The following CRY1 variants were observed in gnomAD, a reference collection of about 807,000 sequenced individuals.
CRY1 encodes cryptochrome circadian regulator 1, also known as cryptochrome-1.
A neutral mutation model predicts 76.0 loss-of-function variants in CRY1; 45 were observed. The observed-to-expected ratio is 0.59, with a 90% CI of 0.47 to 0.76. CRY1 has a LOEUF of 0.76. CRY1 is among the 30% of genes least tolerant of loss of function. The pLI is 0.00. For synonymous variants in CRY1, 248 were observed against 244.0 expected (o/e 1.02, Z -0.15); for missense variants, 587 against 716.4 (o/e 0.82, Z 2.06).
At chr12:107,048,360 G>C (rs865857819) in intron 1 of CRY1, among the ~76,000 whole-genome samples, 2 of 152,140 alleles carry the variant, frequency 1.3e-5, no homozygotes, top group Admixed American at 6.6e-5. Context: ...GATTACAGGC[G>C]TGCGCTACTG....
At position 107,067,419 on chromosome 12, in the gene CRY1, C is replaced by T. The variant is rs541379158; in HGVS notation, c.158+25385G>A. ...AGGAAATCAAATTTTATCTCACAGA[C>T]TCCCTTTTATCCCTTGGGATGTTGT... On this transcript the variant is annotated intron_variant, in intron 1 of 12. Transcript: ENST00000008527. 2.6e-5 allele frequency among the ~76,000 whole-genome samples: 4 copies of T among 152,264 alleles called. No homozygotes were observed. In the South Asian group the frequency reaches 8.3e-4, roughly 32 times the overall value.
intron 7 of CRY1, 56 bp downstream of exon 7, chr12:106,999,495 T>C: frequency 6.8e-6 from 10 of 1,477,218 alleles, no homozygotes; most frequent in Admixed American, 2.2e-5. Flanking sequence ...GGATTTGTTT[T>C]ATTAAGGTAA....
At chr12:107,017,081 A>G (rs1423229816) in intron 2 of CRY1, among the ~76,000 whole-genome samples, 1 of 152,226 alleles carries the variant, frequency 6.6e-6, no homozygotes, top group Non-Finnish European at 1.5e-5. Context: ...AAACAGCCAG[A>G]GAAATTCTTG....
chr12:107,033,666 A>G (rs1952703221), intron 1 of CRY1, among the ~76,000 whole-genome samples: 1 of 152,120 alleles, frequency 6.6e-6, no homozygotes, highest in African/African-American at 2.4e-5. Context: ...ATGTATAAAG[A>G]GTAGCAACAA....
At chr12:107,080,517 G>A (rs1409112882) in intron 1 of CRY1, among the ~76,000 whole-genome samples, 3 of 151,954 alleles carry the variant, frequency 2.0e-5, no homozygotes, top group Non-Finnish European at 4.4e-5. Context: ...GACCTCAGGG[G>A]CATTTAAAGG....
rs544365278 is a variant in CRY1, at chr12:106,996,436, G to C, written c.1585+858C>G. On this transcript the variant is annotated intron_variant, in intron 10 of 12. Transcript: ENST00000008527. ...GAATAGTGCTGCAATGAACATACGT[G>C]TGCATGTATCTTTATAACAGAATGA... Among the ~76,000 whole-genome samples, 3 of 152,266 alleles carry C rather than the reference G, an allele frequency of 2.0e-5. No individual in the cohort carries two copies. In the East Asian group the frequency reaches 5.8e-4, roughly 29 times the overall value.
intron 1 of CRY1, among the ~76,000 whole-genome samples, chr12:107,058,821 T>C (rs1384826011): frequency 6.6e-6 from 1 of 152,228 alleles, no homozygotes; most frequent in African/African-American, 2.4e-5. Context: ...AGGATTCTAA[T>C]ACCAATGAGC....
intron 1 of CRY1, among the ~76,000 whole-genome samples, chr12:107,025,797 C>T (rs1200100082): frequency 6.6e-6 from 1 of 151,840 alleles, no homozygotes; most frequent in African/African-American, 2.4e-5. Context: ...ATACAATACA[C>T]AACAAATCAT....
intron 10 of CRY1, among the ~76,000 whole-genome samples, chr12:106,994,377 T>A (rs1389745443): frequency 1.3e-5 from 2 of 152,192 alleles, no homozygotes; most frequent in Non-Finnish European, 2.9e-5. Context: ...CTCTCAATAA[T>A]CTCTCCCTTT....
At chr12:107,025,204 A>T (rs1186913663) in intron 1 of CRY1, among the ~76,000 whole-genome samples, 1 of 152,190 alleles carries the variant, frequency 6.6e-6, no homozygotes, top group Non-Finnish European at 1.5e-5. Flanking sequence ...ACATTTTTTT[A>T]ACTTCATAAA....
At chr12:107,033,129 A>G (rs1952696872) in intron 1 of CRY1, among the ~76,000 whole-genome samples, 1 of 152,166 alleles carries the variant, frequency 6.6e-6, no homozygotes, top group East Asian at 1.9e-4. Flanking sequence ...TTTTATGCAA[A>G]CAAATTTGAA....
intron 1 of CRY1, among the ~76,000 whole-genome samples, chr12:107,090,561 T>C (rs1465693640): frequency 6.6e-6 from 1 of 152,210 alleles, no homozygotes; most frequent in African/African-American, 2.4e-5. Flanking sequence ...CTCATTTTAT[T>C]AATGCTGTCA....
chr12:107,009,892 G>C (rs1952423892), intron 2 of CRY1, among the ~76,000 whole-genome samples: 1 of 151,810 alleles, frequency 6.6e-6, no homozygotes, highest in Non-Finnish European at 1.5e-5. Flanking sequence ...GGGTTATGCT[G>C]TCCTCATAAA....
intron 1 of CRY1, among the ~76,000 whole-genome samples, chr12:107,029,007 T>C (rs964938374): frequency 6.6e-6 from 1 of 152,234 alleles, no homozygotes; most frequent in African/African-American, 2.4e-5. Context: ...AATAAGTTTT[T>C]CACTTACATT....
intron 1 of CRY1, among the ~76,000 whole-genome samples, chr12:107,068,825 TA>T (rs1953143782): frequency 6.6e-6 from 1 of 152,200 alleles, no homozygotes. Context: ...ATGTTTCATA[TA>T]AACGGAATCA....
intron 1 of CRY1, among the ~76,000 whole-genome samples, chr12:107,058,209 A>G (rs754924575): frequency 8.5e-5 from 13 of 152,190 alleles, no homozygotes; most frequent in Non-Finnish European, 1.8e-4. Flanking sequence ...TCAGAATAAT[A>G]TAATATTAAT....
intron 1 of CRY1, among the ~76,000 whole-genome samples, chr12:107,022,442 A>T (rs1204027820): frequency 6.6e-6 from 1 of 152,058 alleles, no homozygotes; most frequent in African/African-American, 2.4e-5. Context: ...TATTAGCAAA[A>T]ATTTAATTTG....
chr12:107,001,122 T>TAA (rs746364435), intron 5 of CRY1, among the ~76,000 whole-genome samples, 158 bp downstream of exon 5: 1 of 152,196 alleles, frequency 6.6e-6, no homozygotes, highest in Non-Finnish European at 1.5e-5. Flanking sequence ...GAGGAGATGG[T>TAA]AGTTAACTTT....
chr12:107,080,430 G>A (rs149202746), intron 1 of CRY1, among the ~76,000 whole-genome samples: 3 of 152,170 alleles, frequency 2.0e-5, no homozygotes, highest in African/African-American at 7.2e-5. Flanking sequence ...GCATAGACGA[G>A]TAAATGGTAA....
Sources: allele counts gnomAD v4.1 joint callset (sites outside exome capture counted in the v4.1 genomes callset), GRCh38; gene constraint gnomAD v4.1.1; transcripts MANE v1.5; gene names NCBI Gene and HGNC (gene_info 2026-07-23, HGNC 2026-07-21).